The following PAX6 variants were observed in gnomAD, a reference collection of about 807,000 sequenced individuals.
The protein encoded by PAX6 is paired box 6.
A neutral mutation model predicts 60.7 loss-of-function variants in PAX6; 7 were observed. That is an observed-to-expected ratio of 0.12 (90% CI 0.07 to 0.22). The LOEUF is 0.22. Ranked by LOEUF, PAX6 falls within the 10% of genes least tolerant of loss-of-function variation. The probability of loss-of-function intolerance (pLI) is 1.00; values close to 1 mark genes in which losing one functional copy is unlikely to be tolerated. For synonymous variants in PAX6, 208 were observed against 201.2 expected, an observed-to-expected ratio of 1.03 and a Z score of -0.29; for missense variants, 355 against 555.2, an observed-to-expected ratio of 0.64 and a Z score of 3.62.
At chr11:31,802,870 AGAG>A (rs1201372873) in intron 4 of PAX6, 36 bp from the exon 5 acceptor site, 1 of 1,602,884 alleles carries the variant, frequency 6.2e-7, no homozygotes, top group Non-Finnish European at 8.5e-7. Flanking sequence ...GGGGAAAAGA[AGAG>A]AAGAGAGCAG....
At chr11:31,806,359 C>A (rs1213377058) in intron 4 of PAX6, 43 bp downstream of exon 4, 1 of 1,594,842 alleles carries the variant, frequency 6.3e-7, no homozygotes, top group South Asian at 1.1e-5. Flanking sequence ...CTCGGGTCCG[C>A]GCACCCCGAG....
chr11:31,803,020 C>T, intron 4 of PAX6, 186 bp from the exon 5 acceptor site: 1 of 672,870 alleles, frequency 1.5e-6, no homozygotes, highest in Non-Finnish European at 2.6e-6. Context: ...CCCTGCCAAC[C>T]TGTGCCAACC....
At chr11:31,806,355 T>G in intron 4 of PAX6, 47 bp downstream of exon 4, 1 of 1,591,948 alleles carries the variant, frequency 6.3e-7, no homozygotes, top group Non-Finnish European at 8.6e-7. Context: ...GACCCTCGGG[T>G]CCGCGCACCC....
chr11:31,789,951 A>G lies in PAX6; in HGVS notation c.1294T>C (p.Trp432Arg). The change falls in exon 14 of 14, where the codon TGG becomes CGG. Residue 432 changes from tryptophan to arginine, a missense_variant. Trp to Arg is a moderately radical substitution (Grantham distance 101). Transcript: ENST00000640368. ...TTTTTTTTTTACTGTAATCTTGGCC[A>G]GTATTGAGACATATCAGGTTCACTT... ...PGSEPDMSQY[W>R]PRLQ 7.1e-7 allele frequency: 1 copy of G among 1,404,766 alleles called. No individual in the cohort carries two copies. The highest frequency in any genetic ancestry group is 9.8e-7 in the Non-Finnish European group (1 of 1,018,056). The allele number at this position is 1,404,766 out of a possible 1,614,324, so 87.0% of individuals were successfully genotyped here. A position where few individuals can be genotyped will look rare whatever the true frequency, so the allele number is the denominator to read the frequency against.
intron 1 of PAX6, among the ~76,000 whole-genome samples, chr11:31,817,418 T>C (rs1457887179): frequency 1.3e-5 from 2 of 152,344 alleles, no homozygotes; most frequent in African/African-American, 4.8e-5. Flanking sequence ...CAAGCGTGGA[T>C]GTCGTGAACT....
intron 8 of PAX6, among the ~76,000 whole-genome samples, chr11:31,795,050 A>C (rs1029580661): frequency 6.6e-6 from 1 of 152,238 alleles, no homozygotes; most frequent in African/African-American, 2.4e-5. Context: ...ATAAGCACTG[A>C]AGTTTCCAAT....
intron 7 of PAX6, 31 bp downstream of exon 7, chr11:31,801,530 C>T: frequency 1.2e-6 from 2 of 1,613,778 alleles, no homozygotes; most frequent in Non-Finnish European, 1.7e-6. Context: ...GGGCTTAGGG[C>T]AGGGAGGGCA....
chr11:31,817,940 G>A (rs1592679241), upstream of PAX6: 1 of 152,712 alleles, frequency 6.5e-6, no homozygotes, highest in South Asian at 2.1e-4. Flanking sequence ...GAGTTTAAAT[G>A]TCAATGATAA....
upstream of PAX6, chr11:31,814,998 C>CTG (rs1283913535): frequency 1.0e-5 from 1 of 95,992 alleles, no homozygotes; most frequent in East Asian, 2.8e-4. Context: ...CTGTCTCTCT[C>CTG]TCTCTCTCTC....
At chr11:31,799,290 G>A (rs772136073) in intron 8 of PAX6, among the ~76,000 whole-genome samples, 5 of 152,046 alleles carry the variant, frequency 3.3e-5, no homozygotes, top group Non-Finnish European at 7.4e-5. Context: ...GGGCCCGTGC[G>A]GGCGGGGTCG....
intron 5 of PAX6, chr11:31,802,186 A>T: frequency 2.2e-6 from 1 of 462,054 alleles, no homozygotes; most frequent in East Asian, 4.0e-5. Flanking sequence ...AAATAAACTG[A>T]TTTTTTTACT....
At chr11:31,816,424 T>A (rs1193260982) in intron 1 of PAX6, 1 of 636,792 alleles carries the variant, frequency 1.6e-6, no homozygotes, top group Non-Finnish European at 2.9e-6. Context: ...GAGCGAGGAC[T>A]CTGGTCAGAG....
intron 8 of PAX6, among the ~76,000 whole-genome samples, chr11:31,798,321 C>T (rs1361218941): frequency 1.3e-5 from 2 of 152,132 alleles, no homozygotes; most frequent in African/African-American, 4.8e-5. Context: ...CAGCCCACGT[C>T]GTCGCGATTT....
chr11:31,790,095 T>TTTTTTAA, intron 13 of PAX6, 76 bp from the exon 14 acceptor site: 1 of 61,324 alleles, frequency 1.6e-5, no homozygotes, highest in Non-Finnish European at 2.6e-5. Flanking sequence ...TTTATAGGTT[T>TTTTTTAA]ACAAAAAAAA....
At chr11:31,807,031 G>T (rs147256424) in intron 2 of PAX6, 106 bp from the exon 3 acceptor site, 2 of 152,384 alleles carry the variant, frequency 1.3e-5, no homozygotes, top group Non-Finnish European at 1.5e-5. Flanking sequence ...TGCATCTAGG[G>T]CTCAGTCAAA....
intron 8 of PAX6, 103 bp downstream of exon 8, chr11:31,800,588 T>A: frequency 7.3e-7 from 1 of 1,369,854 alleles, no homozygotes; most frequent in Non-Finnish European, 1.0e-6. Flanking sequence ...ACCCATGACA[T>A]TCCCCAAGCA....
chr11:31,817,722 G>A (rs1422621764), intron 1 of PAX6: 1 of 152,270 alleles, frequency 6.6e-6, no homozygotes, highest in Non-Finnish European at 1.5e-5. Flanking sequence ...CACTTGGGGC[G>A]GGCTTTGATT....
chr11:31,810,822 A>T lies in PAX6; in HGVS notation c.-129+6T>A. ...AAATAAAGCGAGAAGAAAGAAGCGG[A>T]CTCACCTTTATGAGGCATCCTTTCT... is the stretch of plus-strand genomic sequence containing the variant. On this transcript the variant is annotated splice_donor_region_variant and intron_variant, in intron 2 of 13. Coordinates refer to ENST00000640368, the MANE Select transcript of PAX6 (RefSeq NM_001368894.2). 2.5e-6 allele frequency: 1 copy of T among 399,044 alleles called. No homozygotes were observed. Among genetic ancestry groups the T allele is most frequent in the East Asian group, 3.6e-5 (1 of 28,076 alleles). 24.7% of individuals were successfully genotyped at this position (399,044 alleles called of 1,614,324 possible).
At position 31,810,885 on chromosome 11, in the gene PAX6, G is replaced by A. The variant is rs1956932179; in HGVS notation, c.-186C>T. 1 of 399,046 alleles carries A rather than the reference G, an allele frequency of 2.5e-6. No individual in the cohort carries two copies. Among genetic ancestry groups the A allele is most frequent in the African/African-American group, 2.1e-5 (1 of 48,628 alleles). The allele number at this position is 399,046 out of a possible 1,614,324, so 24.7% of individuals were successfully genotyped here. On this transcript the variant is annotated 5_prime_UTR_variant, in exon 2 of 14. Coordinates refer to ENST00000640368, the MANE Select transcript of PAX6 (RefSeq NM_001368894.2). ...TTCTGTCAAGAGTTTTGTTTGGTTG[G>A]GGTTTTTTGTGCTGCTGTTGTTGCT...
Sources: allele counts gnomAD v4.1 joint callset (sites outside exome capture counted in the v4.1 genomes callset), GRCh38; gene constraint gnomAD v4.1.1; transcripts MANE v1.5; gene names NCBI Gene and HGNC (gene_info 2026-07-23, HGNC 2026-07-21).